ZNF239: variants seen among roughly 807,000 people sequenced by gnomAD.
ZNF239 encodes zinc finger protein (C2H2) homologous to mouse MOK-2.
In ZNF239, 16 loss-of-function variants were observed where a neutral mutation model predicts 27.5. That is an observed-to-expected ratio of 0.58 (90% CI 0.39 to 0.88). The LOEUF is 0.88. ZNF239 is among the 40% of genes least tolerant of loss of function. ZNF239 has a pLI of 0.00. For missense variants in ZNF239, 527 were observed against 551.9 expected, an observed-to-expected ratio of 0.95 and a Z score of 0.45; for synonymous variants, 199 against 192.6, an observed-to-expected ratio of 1.03 and a Z score of -0.27.
In ZNF239 at chr10:43,558,081, C is replaced by T; in HGVS notation, c.-2G>A. The stretch of plus-strand genomic sequence containing the variant: ...ACTTCCAGTAATTGTACTGGCCATG[C>T]CTTCCAAAACTAGCCAGGAGGAAAG... On this transcript the variant is annotated 5_prime_UTR_variant, in exon 4 of 4. Coordinates refer to ENST00000374446, the MANE Select transcript of ZNF239 (RefSeq NM_001099282.2). 1 of 1,608,240 alleles carries T rather than the reference C, an allele frequency of 6.2e-7. No homozygotes were observed. The highest frequency in any genetic ancestry group is 1.1e-5 in the South Asian group (1 of 90,664).
At position 43,556,971 on chromosome 10, in the gene ZNF239, G is replaced by A. The variant is rs781003841; in HGVS notation, c.1109C>T (p.Thr370Ile). The A allele has an allele frequency of 4.3e-6, 7 of 1,613,550 alleles. No homozygotes were observed. The highest frequency in any genetic ancestry group is 3.3e-5 in the Admixed American group (2 of 59,958). ...ATAGCATTGGTAAGGCTTCTCTCCT[G>A]TGTGGATGCACCGGTGAATGTGAAG... is the stretch of plus-strand genomic sequence containing the variant. ...SNLHIHRCIHTGEKPYQCYEC... is the reference protein window; with the variant it reads ...SNLHIHRCIHIGEKPYQCYEC... The change falls in exon 4 of 4, where the codon ACA (threonine) becomes ATA (isoleucine). Residue 370 changes from threonine (T) to isoleucine (I), a missense_variant. By Grantham distance (89) the Thr-to-Ile change is moderately conservative. Coordinates refer to ENST00000374446, the MANE Select transcript of ZNF239 (RefSeq NM_001099282.2).
At chr10:43,563,986 C>T (rs568775783) in intron 3 of ZNF239, among the ~76,000 whole-genome samples, 87 of 152,124 alleles carry the variant, frequency 5.7e-4, no homozygotes, top group African/African-American at 2.0e-3. Context: ...CTACTTTTTA[C>T]CAGGGCCTTC....
chr10:43,558,076 C>T lies in ZNF239; in HGVS notation c.4G>A (p.Ala2Thr). 2 of 1,609,942 alleles carry T rather than the reference C, an allele frequency of 1.2e-6. No homozygotes were observed. Among genetic ancestry groups the T allele is most frequent in the Non-Finnish European group, 8.5e-7 (1 of 1,177,234 alleles). The change falls in exon 4 of 4, where the codon GCC (alanine) becomes ACC (threonine). Residue 2 changes from alanine to threonine, a missense_variant. Physicochemically the swap from Ala to Thr is moderately conservative, Grantham distance 58. Coordinates refer to ENST00000374446, the MANE Select transcript of ZNF239 (RefSeq NM_001099282.2). M[A>T]STITGSQDCI... ...TCCTGACTTCCAGTAATTGTACTGG[C>T]CATGCCTTCCAAAACTAGCCAGGAG... is the stretch of plus-strand genomic sequence containing the variant.
intron 2 of ZNF239, among the ~76,000 whole-genome samples, chr10:43,569,948 G>A (rs1300853998): frequency 6.6e-6 from 1 of 151,606 alleles, no homozygotes; most frequent in African/African-American, 2.4e-5. Context: ...TGAAGAACCA[G>A]TTTTTTTTTG....
intron 3 of ZNF239, 118 bp from the exon 4 acceptor site, chr10:43,558,289 G>C: frequency 1.1e-6 from 1 of 947,586 alleles, no homozygotes; most frequent in Non-Finnish European, 1.5e-6. Context: ...TGTCTTTATA[G>C]TCATGTCCTT....
chr10:43,566,838 C>T (rs1035146947), intron 3 of ZNF239, among the ~76,000 whole-genome samples: 3 of 152,166 alleles, frequency 2.0e-5, no homozygotes, highest in Non-Finnish European at 2.9e-5. Flanking sequence ...TCACAATTTT[C>T]AGTTAAAATT....
intron 3 of ZNF239, among the ~76,000 whole-genome samples, chr10:43,558,656 C>G (rs556217287): frequency 6.6e-6 from 1 of 152,126 alleles, no homozygotes. Context: ...TCCATGTTGA[C>G]CAGGCTGGCC....
chr10:43,568,471 G>C, intron 2 of ZNF239: 1 of 985,098 alleles, frequency 1.0e-6, no homozygotes, highest in Non-Finnish European at 1.2e-6. Context: ...CCACTACCTG[G>C]ACCCCTCTAC....
intron 2 of ZNF239, among the ~76,000 whole-genome samples, chr10:43,569,736 C>G (rs1837915035): frequency 6.6e-6 from 1 of 152,168 alleles, no homozygotes; most frequent in Admixed American, 6.5e-5. Flanking sequence ...CACTTGCTTT[C>G]TTATTTACTG....
chr10:43,572,691 C>A (rs1838110852), intron 2 of ZNF239, among the ~76,000 whole-genome samples: 2 of 152,196 alleles, frequency 1.3e-5, no homozygotes, highest in African/African-American at 4.8e-5. Flanking sequence ...AAAGAGGGGG[C>A]CGACCATCTC....
chr10:43,568,241 T>A (rs1200862296), intron 2 of ZNF239: 6 of 985,354 alleles, frequency 6.1e-6, no homozygotes, highest in Non-Finnish European at 7.2e-6. Context: ...CCACAACATA[T>A]CTACGCTCAA....
chr10:43,573,757 TC>T, intron 1 of ZNF239, 80 bp from the exon 2 acceptor site: 1 of 559,082 alleles, frequency 1.8e-6, no homozygotes, highest in Non-Finnish European at 2.3e-6. Flanking sequence ...GTTACTCCGC[TC>T]CTGCCTCTGA....
At position 43,557,617 on chromosome 10, in the gene ZNF239, T is replaced by C; in HGVS notation, c.463A>G (p.Lys155Glu). The C allele has an allele frequency of 6.2e-7, 1 of 1,614,208 alleles. No homozygotes were observed. The highest frequency in any genetic ancestry group is 8.5e-7 in the Non-Finnish European group (1 of 1,180,034). ...TGTGATTTCCATCCATGAATGTCTTTGCAGTTACAGTCAATGGGATCCAAA... is the reference window on the plus strand; with the variant it reads ...TGTGATTTCCATCCATGAATGTCTTCGCAGTTACAGTCAATGGGATCCAAA... The part of the protein sequence containing the change: ...ESLDPIDCNC[K>E]DIHGWKSQVV... Residue 155 changes from lysine (K) to glutamate (E), a missense_variant, in exon 4 of 4, where the codon AAA becomes GAA. Lys to Glu is a moderately conservative substitution (Grantham distance 56). Coordinates refer to ENST00000374446, the MANE Select transcript of ZNF239 (RefSeq NM_001099282.2).
rs541435056 is a variant in ZNF239, at chr10:43,560,522, A to AGCCCTTG, written c.-92-2352_-92-2351insCAAGGGC. 1.4e-4 allele frequency among the ~76,000 whole-genome samples: 21 copies of AGCCCTTG among 152,156 alleles called. No individual in the cohort carries two copies. In the South Asian group the frequency reaches 4.2e-3, roughly 30 times the overall value. On this transcript the variant is annotated intron_variant, in intron 3 of 3. Transcript: ENST00000374446. The stretch of plus-strand genomic sequence containing the variant: ...CACCTGAGGCTCAGCCCTAGCCCTT[A>AGCCCTTG]GCCCATCCGTGGGGCCAGTTTACTG...
At chr10:43,567,499 G>A (rs113589873) in intron 3 of ZNF239, among the ~76,000 whole-genome samples, 2,009 of 152,200 alleles carry the variant, frequency 0.013, 20 homozygotes, top group Admixed American at 0.018. Context: ...CCCTGCTTTC[G>A]ACACAGACTG....
chr10:43,567,168 GT>G (rs758407242), intron 3 of ZNF239, among the ~76,000 whole-genome samples: 38 of 152,172 alleles, frequency 2.5e-4, no homozygotes, highest in Middle Eastern at 3.4e-3. Context: ...ACAAAAAAGT[GT>G]TTTATCTATT....
intron 2 of ZNF239, among the ~76,000 whole-genome samples, chr10:43,573,222 T>C (rs951193673): frequency 2.0e-5 from 3 of 152,170 alleles, no homozygotes; most frequent in African/African-American, 7.2e-5. Flanking sequence ...GTACAGGTAA[T>C]ATAATATGTT....
intron 2 of ZNF239, among the ~76,000 whole-genome samples, chr10:43,572,011 C>A (rs1290011815): frequency 2.0e-5 from 3 of 152,130 alleles, no homozygotes; most frequent in Non-Finnish European, 4.4e-5. Context: ...GAGAAAAAAA[C>A]CACAGTTCAT....
intron 3 of ZNF239, among the ~76,000 whole-genome samples, chr10:43,560,320 A>G (rs891109847): frequency 2.6e-5 from 4 of 152,268 alleles, no homozygotes; most frequent in Non-Finnish European, 5.9e-5. Flanking sequence ...AATTGACAAC[A>G]TAAGTGCCCA....
Sources: gnomAD v4.1 joint callset for allele counts (sites outside exome capture counted in the v4.1 genomes callset) on GRCh38, gnomAD v4.1.1 for gene constraint, MANE v1.5 for transcripts, NCBI Gene and HGNC (gene_info 2026-07-23, HGNC 2026-07-21) for gene names.